AAK1: variants seen among roughly 807,000 people sequenced by gnomAD.
The protein encoded by AAK1 is AP2-associated protein kinase 1.
AAK1 carries 37 observed loss-of-function variants against 116.0 expected under a neutral mutation model. The observed-to-expected ratio is 0.32, with a 90% CI of 0.25 to 0.42. The LOEUF (loss-of-function observed/expected upper bound fraction) is 0.42. Among genes scored for constraint, AAK1 ranks in the 10% least tolerant of loss-of-function variants. The probability of loss-of-function intolerance (pLI) is 1.00; values close to 1 mark genes in which losing one functional copy is unlikely to be tolerated. For synonymous variants in AAK1, 458 were observed against 439.9 expected, an observed-to-expected ratio of 1.04 and a Z score of -0.51; for missense variants, 919 against 1,170.6, an observed-to-expected ratio of 0.79 and a Z score of 3.14.
intron 2 of AAK1, among the ~76,000 whole-genome samples, chr2:69,583,816 C>T (rs1672645847): frequency 6.6e-6 from 1 of 151,792 alleles, no homozygotes; most frequent in African/African-American, 2.4e-5. Flanking sequence ...GACTTCGTTC[C>T]ACTTTTTCAA....
chr2:69,505,135 CCA>C (rs10585161), intron 16 of AAK1, among the ~76,000 whole-genome samples: 74,613 of 139,512 alleles, frequency 0.53, 18,873 homozygotes, highest in East Asian at 0.63. Context: ...GCACACACAC[CCA>C]CACACACACA....
intron 17 of AAK1, among the ~76,000 whole-genome samples, chr2:69,494,014 G>C (rs759662769): frequency 3.3e-5 from 5 of 152,176 alleles, no homozygotes; most frequent in African/African-American, 4.8e-5. Flanking sequence ...TGCCCCCTCA[G>C]TGATATGAGA....
Position 69,643,607 on chromosome 2 carries a change from C to G in AAK1, c.-267G>C, listed in dbSNP as rs1573041094. The G allele has an allele frequency of 8.1e-7, 1 of 1,229,024 alleles. No homozygotes were observed. Among genetic ancestry groups the G allele is most frequent in the South Asian group, 4.2e-5 (1 of 24,030 alleles). The allele number at this position is 1,229,024 out of a possible 1,614,324, so 76.1% of individuals were successfully genotyped here. A position where few individuals can be genotyped will look rare whatever the true frequency, so the allele number is the denominator to read the frequency against. ...GGCTCGGCGGCCGGCGCCCTGCTAC[C>G]AGCCCCGCGACATTGTCACGGCCGC... On this transcript the variant is annotated 5_prime_UTR_variant, in exon 1 of 22. Coordinates refer to ENST00000409085, the MANE Select transcript of AAK1 (RefSeq NM_014911.5).
intron 16 of AAK1, among the ~76,000 whole-genome samples, 192 bp from the exon 17 acceptor site, chr2:69,496,272 C>CAT (rs1675738321): frequency 6.9e-6 from 1 of 144,422 alleles, no homozygotes; most frequent in African/African-American, 2.7e-5. Context: ...CAATCTGGCC[C>CAT]GTTTTTTTTT....
chr2:69,643,732 C>A lies in AAK1; in HGVS notation c.-392G>T. ...GCCAGCTGATCCCGGGAGCGCCGGG[C>A]GGAGACTGACCCGCCGCCCCTCCCC... On this transcript the variant is annotated 5_prime_UTR_variant, in exon 1 of 22. Transcript: ENST00000409085. The A allele has an allele frequency of 1.7e-6, 2 of 1,209,554 alleles. No individual in the cohort carries two copies. The highest frequency in any genetic ancestry group is 2.1e-6 in the Non-Finnish European group (2 of 973,804). The allele number at this position is 1,209,554 out of a possible 1,614,324, so 74.9% of individuals were successfully genotyped here. A position where few individuals can be genotyped will look rare whatever the true frequency, so the allele number is the denominator to read the frequency against.
At chr2:69,580,365 G>A (rs1672492670) in intron 2 of AAK1, among the ~76,000 whole-genome samples, 1 of 152,152 alleles carries the variant, frequency 6.6e-6, no homozygotes, top group African/African-American at 2.4e-5. Flanking sequence ...TCCACACCAG[G>A]CAACTCAGAT....
Position 69,471,152 on chromosome 2 carries a change from T to C in AAK1, c.*4717A>G, listed in dbSNP as rs1233347499. ...GAGAGTGCAATAGGGCAGAGTAGAATACTCACAGGAAAAGAGTAAATTCAG... is the reference window on the plus strand; with the variant it reads ...GAGAGTGCAATAGGGCAGAGTAGAACACTCACAGGAAAAGAGTAAATTCAG... On this transcript the variant is annotated 3_prime_UTR_variant, in exon 22 of 22. Coordinates refer to ENST00000409085, the MANE Select transcript of AAK1 (RefSeq NM_014911.5). The C allele has an allele frequency of 2.0e-5, 20 of 985,628 alleles. No homozygotes were observed. Among genetic ancestry groups the C allele is most frequent in the Non-Finnish European group, 2.4e-5 (20 of 829,926 alleles). The allele number at this position is 985,628 out of a possible 1,614,324, so 61.1% of individuals were successfully genotyped here.
At chr2:69,485,213 G>A (rs1183985998) in intron 17 of AAK1, among the ~76,000 whole-genome samples, 1 of 152,072 alleles carries the variant, frequency 6.6e-6, no homozygotes, top group Non-Finnish European at 1.5e-5. Context: ...TTGCAATCTT[G>A]AAAAGCAATG....
At chr2:69,492,284 G>T (rs1675552737) in intron 17 of AAK1, among the ~76,000 whole-genome samples, 1 of 151,804 alleles carries the variant, frequency 6.6e-6, no homozygotes, top group South Asian at 2.1e-4. Flanking sequence ...CGCGATCTCA[G>T]CTCACTGCAA....
chr2:69,591,517 C>CTTTTTTTTT lies in AAK1; in HGVS notation c.164-34540_164-34539insAAAAAAAAA, dbSNP rs200675453. 6.6e-4 allele frequency among the ~76,000 whole-genome samples: 89 copies of CTTTTTTTTT among 135,086 alleles called. 1 individual carries two copies. Among genetic ancestry groups the CTTTTTTTTT allele is most frequent in the African/African-American group, 2.3e-3 (83 of 36,676 alleles). The allele number at this position is 135,086 out of a possible 152,430, so 88.6% of individuals were successfully genotyped here. A position where few individuals can be genotyped will look rare whatever the true frequency, so the allele number is the denominator to read the frequency against. ...TTCTATAATTTTTTTTTCTTTTTTTCTTTTTCTTTTTTTTTTTTTTTGAGA... is the reference window on the plus strand; with the variant it reads ...TTCTATAATTTTTTTTTCTTTTTTTCTTTTTTTTTTTTTTCTTTTTTTTTTTTTTTGAGA... On this transcript the variant is annotated intron_variant, in intron 2 of 21. Coordinates refer to ENST00000409085, the MANE Select transcript of AAK1 (RefSeq NM_014911.5).
chr2:69,494,862 G>A (rs964188830), intron 17 of AAK1, among the ~76,000 whole-genome samples: 2 of 152,138 alleles, frequency 1.3e-5, no homozygotes. Flanking sequence ...CTTCTCCTTA[G>A]AGGGGTAAAC....
In AAK1 at chr2:69,465,286, T is replaced by C; in HGVS notation, c.*10583A>G. ...TATCACTGCAACTGAGTTTGTTGACTCAAGAAATTCTGCTCTGACGCAGGG... is the reference window on the plus strand; with the variant it reads ...TATCACTGCAACTGAGTTTGTTGACCCAAGAAATTCTGCTCTGACGCAGGG... On this transcript the variant is annotated 3_prime_UTR_variant, in exon 22 of 22. Coordinates refer to ENST00000409085, the MANE Select transcript of AAK1 (RefSeq NM_014911.5). The C allele has an allele frequency of 5.3e-6, 4 of 750,596 alleles. No homozygotes were observed. The highest frequency in any genetic ancestry group is 7.3e-6 in the Non-Finnish European group (4 of 544,968). 46.5% of individuals were successfully genotyped at this position (750,596 alleles called of 1,614,324 possible).
intron 19 of AAK1, among the ~76,000 whole-genome samples, chr2:69,480,595 T>A (rs897217853): frequency 6.6e-6 from 1 of 151,998 alleles, no homozygotes; most frequent in African/African-American, 2.4e-5. Flanking sequence ...GTGAAAAGAA[T>A]TTTGAATAAA....
rs1362430733 is a variant in AAK1 at position 69,466,596 on chromosome 2, C to CATGTGTAGG, written c.*9272_*9273insCCTACACAT. Reference sequence around the variant, plus strand: ...AGAATTAATGTGTAGGTCAATTCAACTCTATTTGGAACATTTAATGGTCAA... The same window carrying CATGTGTAGG: ...AGAATTAATGTGTAGGTCAATTCAACATGTGTAGGTCTATTTGGAACATTTAATGGTCAA... On this transcript the variant is annotated 3_prime_UTR_variant, in exon 22 of 22. Transcript: ENST00000409085. The CATGTGTAGG allele has an allele frequency of 1.8e-6, 2 of 1,140,132 alleles. No homozygotes were observed. Among genetic ancestry groups the CATGTGTAGG allele is most frequent in the Non-Finnish European group, 2.2e-6 (2 of 915,178 alleles). 70.6% of individuals were successfully genotyped at this position (1,140,132 alleles called of 1,614,324 possible).
At chr2:69,543,315 C>A (rs958809592) in intron 4 of AAK1, among the ~76,000 whole-genome samples, 1 of 152,134 alleles carries the variant, frequency 6.6e-6, no homozygotes, top group Admixed American at 6.5e-5. Context: ...TTTGTTAGTA[C>A]TTTAGGAAAT....
chr2:69,465,941 G>C lies in AAK1; in HGVS notation c.*9928C>G. The C allele has an allele frequency of 7.7e-7, 1 of 1,290,882 alleles. No homozygotes were observed. 80.0% of individuals were successfully genotyped at this position (1,290,882 alleles called of 1,614,324 possible). Reference sequence around the variant, plus strand: ...TCTGTGCAGGCAGCTCCTGGGAGGTGCATTGGATAACTGTTAACTCCTCCA... The same window carrying C: ...TCTGTGCAGGCAGCTCCTGGGAGGTCCATTGGATAACTGTTAACTCCTCCA... On this transcript the variant is annotated 3_prime_UTR_variant, in exon 22 of 22. Coordinates refer to ENST00000409085, the MANE Select transcript of AAK1 (RefSeq NM_014911.5).
intron 2 of AAK1, among the ~76,000 whole-genome samples, chr2:69,585,442 G>A (rs986099181): frequency 2.0e-5 from 3 of 152,200 alleles, no homozygotes; most frequent in Non-Finnish European, 2.9e-5. Context: ...TTTATGCTTC[G>A]GCACTGAGTT....
chr2:69,497,027 A>G (rs964848883), intron 16 of AAK1, among the ~76,000 whole-genome samples: 1 of 152,188 alleles, frequency 6.6e-6, no homozygotes, highest in Non-Finnish European at 1.5e-5. Context: ...GTGGTCTCAG[A>G]ATTTTCTGGC....
Position 69,499,722 on chromosome 2 carries a change from G to A in AAK1, c.2270-3642C>T, listed in dbSNP as rs889741341. The A allele has an allele frequency of 5.3e-5, 8 of 151,904 alleles. 1 individual carries two copies. In the South Asian group the frequency reaches 1.5e-3, roughly 28 times the overall value. 9.4% of individuals were successfully genotyped at this position (151,904 alleles called of 1,614,324 possible). On this transcript the variant is annotated intron_variant, in intron 16 of 21. Coordinates refer to ENST00000409085, the MANE Select transcript of AAK1 (RefSeq NM_014911.5). ...TTAAGTCCTTGAAATATTTTAAAAC[G>A]ACACAATGAAACATATTTAAAAGAA...
Sources: gnomAD v4.1 joint callset for allele counts (sites outside exome capture counted in the v4.1 genomes callset) on GRCh38, gnomAD v4.1.1 for gene constraint, MANE v1.5 for transcripts, NCBI Gene and HGNC (gene_info 2026-07-23, HGNC 2026-07-21) for gene names.